The following OR1L6 variants were observed in gnomAD, a reference collection of about 807,000 sequenced individuals.
OR1L6 encodes the protein olfactory receptor 1L6.
Under a neutral mutation model 3.0 loss-of-function variants are expected in OR1L6, and 2 were observed. The ratio of observed to expected loss-of-function variants is 0.68; its 90% CI spans 0.28 to 2.13. The LOEUF is 2.13. Ranked by LOEUF, OR1L6 falls within the 30% of genes most tolerant of loss-of-function variation. The pLI, the probability that OR1L6 is intolerant of heterozygous loss-of-function variation, is 0.14. For synonymous variants in OR1L6, 121 were observed against 148.4 expected (o/e 0.82, Z 1.34); for missense variants, 304 against 378.4 (o/e 0.80, Z 1.63).
At chr9:122,747,948 A>T (rs1281197448) in intron 1 of OR1L6, among the ~76,000 whole-genome samples, 1 of 152,172 alleles carries the variant, frequency 6.6e-6, no homozygotes, top group East Asian at 1.9e-4. Context: ...TATTGGTAGA[A>T]TAAGACTCTT....
chr9:122,747,675 G>A (rs759584687), intron 1 of OR1L6, among the ~76,000 whole-genome samples: 1 of 151,716 alleles, frequency 6.6e-6, no homozygotes, highest in Admixed American at 6.6e-5. Flanking sequence ...TCTTAACACT[G>A]TCAATTGAAA....
intron 1 of OR1L6, among the ~76,000 whole-genome samples, chr9:122,744,514 T>G (rs1416105240): frequency 6.6e-6 from 1 of 152,162 alleles, no homozygotes; most frequent in East Asian, 1.9e-4. Context: ...GTAAAAATTT[T>G]AATAGAGAAA....
At chr9:122,743,389 A>C (rs369760717) in intron 1 of OR1L6, among the ~76,000 whole-genome samples, 2 of 152,214 alleles carry the variant, frequency 1.3e-5, no homozygotes, top group African/African-American at 4.8e-5. Flanking sequence ...GAAATAAGAA[A>C]TTAGGCTGAG....
At position 122,750,486 on chromosome 9, in the gene OR1L6, G is replaced by A; in HGVS notation, c.639G>A (p.Leu213=). Residue 213 remains leucine, a synonymous_variant, in exon 2 of 2, where the codon CTG becomes CTA. Transcript: ENST00000304720. ...TAGCTGTCATTGTGACCCCCTTCCT[G>A]TGTATCATCTTCTCCTACCTGCGAA... ...ETLAVIVTPF[L]CIIFSYLRIM... is the part of the protein sequence containing the mutation. 2.0e-6 allele frequency: 2 copies of A among 1,007,714 alleles called. No individual in the cohort carries two copies. The highest frequency in any genetic ancestry group is 1.4e-5 in the South Asian group (1 of 72,752). The allele number at this position is 1,007,714 out of a possible 1,614,324, so 62.4% of individuals were successfully genotyped here.
intron 1 of OR1L6, among the ~76,000 whole-genome samples, chr9:122,744,702 G>A (rs1588013857): frequency 6.6e-6 from 1 of 152,124 alleles, no homozygotes; most frequent in South Asian, 2.1e-4. Flanking sequence ...CTAGCTTATT[G>A]TATGAGCAGT....
intron 1 of OR1L6, among the ~76,000 whole-genome samples, chr9:122,749,022 C>T (rs188591948): frequency 7.4e-4 from 113 of 152,242 alleles, no homozygotes; most frequent in African/African-American, 2.6e-3. Context: ...TTGATCTTTG[C>T]TATTGTGAAC....
intron 1 of OR1L6, among the ~76,000 whole-genome samples, chr9:122,748,130 G>T (rs1588014773): frequency 6.6e-6 from 1 of 152,228 alleles, no homozygotes. Context: ...TAAAATTAAA[G>T]TATCCACATC....
rs1255226087 is a variant in OR1L6 at position 122,750,780 on chromosome 9, G to A, written c.933G>A (p.Arg311=). ...GLKKLQDRIY[R] Reference sequence around the variant, plus strand: ...AGAAATTACAGGACAGAATTTACCGGTAAAAGGAACAAAATGTTGGTGTGT... The same window carrying A: ...AGAAATTACAGGACAGAATTTACCGATAAAAGGAACAAAATGTTGGTGTGT... The change falls in exon 2 of 2, where the codon CGG becomes CGA. Residue 311 remains arginine (R), a synonymous_variant. Coordinates refer to ENST00000304720, the MANE Select transcript of OR1L6 (RefSeq NM_001004453.3). 25 of 1,595,366 alleles carry A rather than the reference G, an allele frequency of 1.6e-5. No homozygotes were observed. Among genetic ancestry groups the A allele is most frequent in the Non-Finnish European group, 2.1e-5 (24 of 1,170,490 alleles).
chr9:122,749,953 T>G lies in OR1L6; in HGVS notation c.106T>G (p.Tyr36Asp), dbSNP rs1828873475. Residue 36 changes from tyrosine to aspartate, a missense_variant, in exon 2 of 2, where the codon TAC (tyrosine) becomes GAC (aspartate). Physicochemically the swap from Tyr to Asp is radical, Grantham distance 160. Transcript: ENST00000304720. ...TCTCTTTGCCATCTTCCTCATCATG[T>G]ACCTGCTCGCTGCGGTGGGGAATGT... ...KPLFAIFLIM[Y>D]LLAAVGNVLI... 3.1e-6 allele frequency: 5 copies of G among 1,614,200 alleles called. 1 individual carries two copies. Among genetic ancestry groups the G allele is most frequent in the Non-Finnish European group, 4.2e-6 (5 of 1,180,042 alleles).
At chr9:122,748,146 A>T (rs1341365570) in intron 1 of OR1L6, among the ~76,000 whole-genome samples, 1 of 152,160 alleles carries the variant, frequency 6.6e-6, no homozygotes, top group Non-Finnish European at 1.5e-5. Context: ...ACATCATATT[A>T]ACCAAACAGA....
At chr9:122,746,381 TAATA>T (rs1392527643) in intron 1 of OR1L6, among the ~76,000 whole-genome samples, 1 of 152,232 alleles carries the variant, frequency 6.6e-6, no homozygotes, top group Non-Finnish European at 1.5e-5. Context: ...TATCAGGTGT[TAATA>T]AATATTGGCT....
chr9:122,750,484 C>T lies in OR1L6; in HGVS notation c.637C>T (p.Leu213=). Residue 213 remains leucine (L), a synonymous_variant, in exon 2 of 2, where the codon CTG becomes TTG. Coordinates refer to ENST00000304720, the MANE Select transcript of OR1L6 (RefSeq NM_001004453.3). Reference sequence around the variant, plus strand: ...CTTAGCTGTCATTGTGACCCCCTTCCTGTGTATCATCTTCTCCTACCTGCG... The same window carrying T: ...CTTAGCTGTCATTGTGACCCCCTTCTTGTGTATCATCTTCTCCTACCTGCG... ...ETLAVIVTPF[L]CIIFSYLRIM... 2 of 1,088,260 alleles carry T rather than the reference C, an allele frequency of 1.8e-6. No individual in the cohort carries two copies. Among genetic ancestry groups the T allele is most frequent in the Non-Finnish European group, 2.8e-6 (2 of 715,842 alleles). 67.4% of individuals were successfully genotyped at this position (1,088,260 alleles called of 1,614,324 possible).
At chr9:122,749,786 T>A in intron 1 of OR1L6, 49 bp from the exon 2 acceptor site, 2 of 1,544,462 alleles carry the variant, frequency 1.3e-6, no homozygotes, top group Non-Finnish European at 1.8e-6. Flanking sequence ...GCTGTCTTGG[T>A]CAAACTGCCC....
At position 122,750,613 on chromosome 9, in the gene OR1L6, A is replaced by T; in HGVS notation, c.766A>T (p.Ile256Phe). 1.9e-6 allele frequency: 3 copies of T among 1,614,128 alleles called. No individual in the cohort carries two copies. Among genetic ancestry groups the T allele is most frequent in the Non-Finnish European group, 2.5e-6 (3 of 1,180,020 alleles). The change falls in exon 2 of 2, where the codon ATT (isoleucine) becomes TTT (phenylalanine). Residue 256 changes from isoleucine (I) to phenylalanine (F), a missense_variant. Coordinates refer to ENST00000304720, the MANE Select transcript of OR1L6 (RefSeq NM_001004453.3). ...LTAVALFYGS[I>F]IYVYFRPLSM... ...TGCAGTAGCCCTTTTCTATGGGAGT[A>T]TTATTTATGTCTATTTTAGGCCCCT... is the stretch of plus-strand genomic sequence containing the variant.
intron 1 of OR1L6, among the ~76,000 whole-genome samples, chr9:122,746,005 A>G (rs1433200789): frequency 6.6e-6 from 1 of 152,000 alleles, no homozygotes; most frequent in Non-Finnish European, 1.5e-5. Flanking sequence ...TATTTGTCCT[A>G]ATGCTCTCCC....
At chr9:122,742,431 T>A (rs1043318802) in intron 1 of OR1L6, 58 bp downstream of exon 1, 7 of 152,220 alleles carry the variant, frequency 4.6e-5, no homozygotes, top group Admixed American at 2.0e-4. Flanking sequence ...CTTCAGGTGA[T>A]CTTCTTCCCT....
chr9:122,746,160 T>C (rs1392833783), intron 1 of OR1L6, among the ~76,000 whole-genome samples: 1 of 152,194 alleles, frequency 6.6e-6, no homozygotes, highest in Non-Finnish European at 1.5e-5. Context: ...AAAATGTCTA[T>C]GACATTTTGT....
chr9:122,750,652 G>A lies in OR1L6; in HGVS notation c.805G>A (p.Val269Met). The change falls in exon 2 of 2, where the codon GTG becomes ATG. Residue 269 changes from valine to methionine, a missense_variant. Around this residue, in one of 3 missense-constraint regions of OR1L6, gnomAD observed 91 missense variants for 87.8 expected, o/e 1.04. Coordinates refer to ENST00000304720, the MANE Select transcript of OR1L6 (RefSeq NM_001004453.3). ...TTTTAGGCCCCTGTCCATGTACTCA[G>A]TGGTTAGGGACCGGGTAGCCACAGT... is the stretch of plus-strand genomic sequence containing the variant. ...VYFRPLSMYS[V>M]VRDRVATVMY... 1 of 1,614,180 alleles carries A rather than the reference G, an allele frequency of 6.2e-7. No individual in the cohort carries two copies.
At position 122,749,987 on chromosome 9, in the gene OR1L6, T is replaced by C; in HGVS notation, c.140T>C (p.Ile47Thr). The change falls in exon 2 of 2, where the codon ATC becomes ACC. Residue 47 changes from isoleucine to threonine, a missense_variant. Physicochemically the swap from Ile to Thr is moderately conservative, Grantham distance 89 (BLOSUM62 -1). Coordinates refer to ENST00000304720, the MANE Select transcript of OR1L6 (RefSeq NM_001004453.3). ...GCTGCGGTGGGGAATGTGCTCATCA[T>C]CCCGGCCATCTACTCTGACCCCAGG... ...LLAAVGNVLI[I>T]PAIYSDPRLH... The C allele has an allele frequency of 6.2e-7, 1 of 1,614,144 alleles. No individual in the cohort carries two copies. The highest frequency in any genetic ancestry group is 8.5e-7 in the Non-Finnish European group (1 of 1,180,024).
Sources: gnomAD v4.1 joint callset for allele counts (sites outside exome capture counted in the v4.1 genomes callset) on GRCh38, gnomAD v4.1.1 for gene constraint, gnomAD v4.1.1 regional missense constraint, MANE v1.5 for transcripts, NCBI Gene and HGNC (gene_info 2026-07-23, HGNC 2026-07-21) for gene names.